The following GOLPH3L variants were observed in gnomAD, a reference collection of about 807,000 sequenced individuals.
GOLPH3L encodes the protein Golgi phosphoprotein 3-like.
Under a neutral mutation model 30.3 loss-of-function variants are expected in GOLPH3L, and 22 were observed. The observed-to-expected ratio is 0.73, with a 90% CI of 0.52 to 1.04. The LOEUF is 1.04. Among genes scored for constraint, GOLPH3L ranks in the 50% least tolerant of loss-of-function variants. GOLPH3L has a pLI of 0.00. For synonymous variants in GOLPH3L, 120 were observed against 128.2 expected (o/e 0.94, Z 0.43); for missense variants, 303 against 345.8 (o/e 0.88, Z 0.98).
intron 2 of GOLPH3L, among the ~76,000 whole-genome samples, chr1:150,671,862 T>TA (rs894388643): frequency 3.7e-4 from 55 of 150,458 alleles, no homozygotes; most frequent in African/African-American, 1.3e-3. Context: ...AAAGCATCAT[T>TA]AAAAAATATG....
rs751869264 is a variant in GOLPH3L at position 150,648,421 on chromosome 1, C to A, written c.758G>T (p.Arg253Leu). The change falls in exon 5 of 5, where the codon CGA (arginine) becomes CTA (leucine). Residue 253 changes from arginine (R) to leucine (L), a missense_variant. By Grantham distance (102) the Arg-to-Leu change is moderately radical. Coordinates refer to ENST00000271732, the MANE Select transcript of GOLPH3L (RefSeq NM_018178.6). The stretch of plus-strand genomic sequence containing the variant: ...GTCCAGTTCTACTAAGTCCTTGGCT[C>A]GATTCATTGCCACATCATACTTGTC... ...TDDKYDVAMN[R>L]AKDLVELDPE... The A allele has an allele frequency of 6.2e-7, 1 of 1,613,394 alleles. No individual in the cohort carries two copies. The highest frequency in any genetic ancestry group is 1.7e-5 in the Admixed American group (1 of 59,996).
intron 2 of GOLPH3L, among the ~76,000 whole-genome samples, chr1:150,677,755 G>A (rs1404188934): frequency 2.0e-5 from 3 of 150,862 alleles, no homozygotes; most frequent in African/African-American, 7.3e-5. Context: ...CCTCCTAAGT[G>A]GATGGAACTA....
intron 2 of GOLPH3L, among the ~76,000 whole-genome samples, chr1:150,671,848 A>C (rs1303913260): frequency 2.0e-5 from 3 of 151,526 alleles, no homozygotes; most frequent in African/African-American, 7.3e-5. Flanking sequence ...AAACAAAACA[A>C]CTTAAAGCAT....
intron 2 of GOLPH3L, among the ~76,000 whole-genome samples, chr1:150,680,719 C>T (rs941947790): frequency 2.6e-5 from 4 of 152,166 alleles, no homozygotes; most frequent in Non-Finnish European, 5.9e-5. Context: ...CAGCATTCAA[C>T]TAAGGTCTCT....
chr1:150,674,262 ATT>A (rs150744411), intron 2 of GOLPH3L, among the ~76,000 whole-genome samples: 55,398 of 145,336 alleles, frequency 0.38, 10,429 homozygotes, highest in South Asian at 0.51. Flanking sequence ...GAGTGGGAGA[ATT>A]TTTTTTTTTT....
chr1:150,658,889 G>T (rs587681070), intron 4 of GOLPH3L, among the ~76,000 whole-genome samples: 1 of 152,132 alleles, frequency 6.6e-6, no homozygotes, highest in Non-Finnish European at 1.5e-5. Context: ...CCAAATTTGG[G>T]AAAGAATAAA....
Position 150,648,077 on chromosome 1 carries a change from C to G in GOLPH3L, c.*244G>C. ...AAACCACCAAATGGGAGAAAATGTTCATTGGGTGTGTGTGGCTTCACCCAG... is the reference window on the plus strand; with the variant it reads ...AAACCACCAAATGGGAGAAAATGTTGATTGGGTGTGTGTGGCTTCACCCAG... On this transcript the variant is annotated 3_prime_UTR_variant, in exon 5 of 5. Transcript: ENST00000271732. The G allele has an allele frequency of 2.5e-6, 1 of 406,088 alleles. No homozygotes were observed. The highest frequency in any genetic ancestry group is 4.4e-6 in the Non-Finnish European group (1 of 229,374). The allele number at this position is 406,088 out of a possible 1,614,324, so 25.2% of individuals were successfully genotyped here. A position where few individuals can be genotyped will look rare whatever the true frequency, so the allele number is the denominator to read the frequency against.
chr1:150,696,009 T>C (rs1192784597), intron 1 of GOLPH3L, among the ~76,000 whole-genome samples: 1 of 152,204 alleles, frequency 6.6e-6, no homozygotes, highest in African/African-American at 2.4e-5. Flanking sequence ...CTTTATTTTA[T>C]ATAAATCTAG....
intron 2 of GOLPH3L, among the ~76,000 whole-genome samples, chr1:150,680,635 G>C (rs775146925): frequency 2.0e-5 from 3 of 152,072 alleles, no homozygotes; most frequent in African/African-American, 7.2e-5. Context: ...CAAAAAATAA[G>C]AAACTACTGC....
intron 4 of GOLPH3L, among the ~76,000 whole-genome samples, chr1:150,650,708 G>C (rs181513999): frequency 2.0e-4 from 30 of 152,314 alleles, no homozygotes; most frequent in African/African-American, 7.2e-4. Flanking sequence ...TCCCACCCCA[G>C]TGGAAAAACT....
At chr1:150,656,588 T>A (rs1279403331) in intron 4 of GOLPH3L, among the ~76,000 whole-genome samples, 1 of 152,216 alleles carries the variant, frequency 6.6e-6, no homozygotes, top group Non-Finnish European at 1.5e-5. Context: ...ACTGGTGTTA[T>A]TGTCCAAGAG....
chr1:150,671,806 CAAAAA>C (rs397793655), intron 2 of GOLPH3L, among the ~76,000 whole-genome samples: 1 of 47,154 alleles, frequency 2.1e-5, no homozygotes. Context: ...AACTCCGTCT[CAAAAA>C]AAAAAAAAAA....
intron 2 of GOLPH3L, among the ~76,000 whole-genome samples, chr1:150,665,125 C>G (rs1156505595): frequency 1.3e-5 from 2 of 152,006 alleles, no homozygotes; most frequent in Non-Finnish European, 2.9e-5. Context: ...AAGCTTTTTA[C>G]ATGCATTATC....
At chr1:150,690,041 C>T (rs996589326) in intron 2 of GOLPH3L, among the ~76,000 whole-genome samples, 1 of 151,918 alleles carries the variant, frequency 6.6e-6, no homozygotes, top group African/African-American at 2.4e-5. Context: ...GGTTGGAGTA[C>T]AGTGGCACAA....
At chr1:150,671,032 G>C (rs778567761) in intron 2 of GOLPH3L, among the ~76,000 whole-genome samples, 4 of 151,464 alleles carry the variant, frequency 2.6e-5, no homozygotes, top group Non-Finnish European at 5.9e-5. Flanking sequence ...CTGAGGTCAG[G>C]AGTTTGAGAC....
intron 2 of GOLPH3L, chr1:150,694,260 C>T (rs1318152552): frequency 2.7e-5 from 9 of 334,938 alleles, no homozygotes; most frequent in Middle Eastern, 4.2e-4. Context: ...CAACTAATCA[C>T]ACATGTTCCT....
chr1:150,657,001 A>G (rs1482006884), intron 4 of GOLPH3L, among the ~76,000 whole-genome samples: 1 of 152,234 alleles, frequency 6.6e-6, no homozygotes, highest in African/African-American at 2.4e-5. Context: ...CAGACGCCCT[A>G]TACTTCACCT....
intron 1 of GOLPH3L, among the ~76,000 whole-genome samples, chr1:150,696,497 AG>A (rs1185599940): frequency 6.6e-6 from 1 of 152,186 alleles, no homozygotes; most frequent in Non-Finnish European, 1.5e-5. Context: ...TATTCTCCAT[AG>A]CAACTAGCAC....
chr1:150,667,595 CT>C lies in GOLPH3L; in HGVS notation c.184-3833del, dbSNP rs200372559. ...ACTAGTCTTTTCTTTTTTTTTCTTT[CT>C]TTTTTTTTTTTTTTTGAGACGGAGT... On this transcript the variant is annotated intron_variant, in intron 2 of 4. Transcript: ENST00000271732. Among the ~76,000 whole-genome samples the C allele has an allele frequency of 2.6e-3, 348 of 134,388 alleles. 2 individuals are homozygous for C. Among genetic ancestry groups the C allele is most frequent in the African/African-American group, 5.8e-3 (211 of 36,688 alleles). The allele number at this position is 134,388 out of a possible 152,430, so 88.2% of individuals were successfully genotyped here.
Sources: gnomAD v4.1 joint callset for allele counts (sites outside exome capture counted in the v4.1 genomes callset) on GRCh38, gnomAD v4.1.1 for gene constraint, MANE v1.5 for transcripts, NCBI Gene and HGNC (gene_info 2026-07-23, HGNC 2026-07-21) for gene names.